Variants in AAK1 observed in about 807,000 individuals in gnomAD.
The protein encoded by AAK1 is AP2 associated kinase 1.
AAK1 carries 37 observed loss-of-function variants against 116.0 expected under a neutral mutation model. The observed-to-expected ratio is 0.32, with a 90% CI of 0.25 to 0.42. AAK1 has a LOEUF of 0.42. Among genes scored for constraint, AAK1 ranks in the 10% least tolerant of loss-of-function variants. AAK1 has a pLI of 1.00. For missense variants in AAK1, 919 were observed against 1,170.6 expected (o/e 0.79, Z 3.14); for synonymous variants, 458 against 439.9 (o/e 1.04, Z -0.51).
At chr2:69,509,166 C>T in intron 14 of AAK1, 65 bp downstream of exon 14, 2 of 1,376,538 alleles carry the variant, frequency 1.5e-6, no homozygotes, top group South Asian at 1.2e-5. Context: ...AAGAATCACA[C>T]ACTAACAGCC....
At chr2:69,511,813 T>C (rs530051783) in intron 13 of AAK1, among the ~76,000 whole-genome samples, 1 of 152,246 alleles carries the variant, frequency 6.6e-6, no homozygotes, top group African/African-American at 2.4e-5. Context: ...TCTCTTCTGT[T>C]CTCCAGATGC....
chr2:69,488,987 G>T (rs1675412391), intron 17 of AAK1, among the ~76,000 whole-genome samples: 1 of 150,958 alleles, frequency 6.6e-6, no homozygotes, highest in South Asian at 2.1e-4. Context: ...ACAGATGCAT[G>T]CCACCATGCC....
chr2:69,514,854 G>GGGCTTTA lies in AAK1; in HGVS notation c.1498-106_1498-105insTAAAGCC. 4 of 1,322,050 alleles carry GGGCTTTA rather than the reference G, an allele frequency of 3.0e-6. No homozygotes were observed. The South Asian group carries it at 6.3e-5, about 21-fold the overall frequency. 81.9% of individuals were successfully genotyped at this position (1,322,050 alleles called of 1,614,324 possible). On this transcript the variant is annotated intron_variant, in intron 12 of 21. Coordinates refer to ENST00000409085, the MANE Select transcript of AAK1 (RefSeq NM_014911.5). ...AGACCAGTGCTAAAGCCAAAGGCAAGGGCAAGTAGAAAAGTCTTGAGGCTA... is the reference window on the plus strand; with the variant it reads ...AGACCAGTGCTAAAGCCAAAGGCAAGGGCTTTAGGCAAGTAGAAAAGTCTTGAGGCTA...
At position 69,622,853 on chromosome 2, in the gene AAK1, T is replaced by G. The variant is rs1420286268; in HGVS notation, c.163+20025A>C. 2.0e-5 allele frequency among the ~76,000 whole-genome samples: 3 copies of G among 152,138 alleles called. No individual in the cohort carries two copies. The East Asian group carries it at 5.8e-4, about 29-fold the overall frequency. ...CTAGTGGGGACGTGGAGAACTTTTG[T>G]GTCTAGCTCAGGGATTATAAACGCA... On this transcript the variant is annotated intron_variant, in intron 2 of 21. Transcript: ENST00000409085.
intron 19 of AAK1, among the ~76,000 whole-genome samples, chr2:69,479,397 T>C (rs1368586224): frequency 2.0e-5 from 3 of 152,132 alleles, no homozygotes; most frequent in Non-Finnish European, 4.4e-5. Context: ...AACATAGAAA[T>C]AGAGGATAAT....
At position 69,462,378 on chromosome 2, in the gene AAK1, A is replaced by T. The variant is rs749353771; in HGVS notation, c.*13491T>A. 176 of 148,500 alleles carry T rather than the reference A, an allele frequency of 1.2e-3. No individual in the cohort carries two copies. The highest frequency in any genetic ancestry group is 1.9e-3 in the Non-Finnish European group (126 of 66,832). The allele number at this position is 148,500 out of a possible 1,614,324, so 9.2% of individuals were successfully genotyped here. A position where few individuals can be genotyped will look rare whatever the true frequency, so the allele number is the denominator to read the frequency against. The stretch of plus-strand genomic sequence containing the variant: ...AAACTTAAAGTATAATAATAATTTA[A>T]AAAAAAAAAAAGAATTTCTGGGCCA... On this transcript the variant is annotated 3_prime_UTR_variant, in exon 22 of 22. Coordinates refer to ENST00000409085, the MANE Select transcript of AAK1 (RefSeq NM_014911.5).
In AAK1 at chr2:69,572,733, G is replaced by C. The variant is rs551911497; in HGVS notation, c.164-15755C>G. On this transcript the variant is annotated intron_variant, in intron 2 of 21. Transcript: ENST00000409085. Reference sequence around the variant, plus strand: ...CGAGTGGCTCACCCCAGTCCTGGCTGTGTGAAAATGCTGTATGCACAAGAG... The same window carrying C: ...CGAGTGGCTCACCCCAGTCCTGGCTCTGTGAAAATGCTGTATGCACAAGAG... Among the ~76,000 whole-genome samples, 34 of 152,124 alleles carry C rather than the reference G, an allele frequency of 2.2e-4. 1 individual carries two copies. The South Asian group carries it at 7.1e-3, about 32-fold the overall frequency.
intron 2 of AAK1, among the ~76,000 whole-genome samples, chr2:69,595,796 T>C (rs1673253563): frequency 6.6e-6 from 1 of 152,246 alleles, no homozygotes; most frequent in South Asian, 2.1e-4. Flanking sequence ...AGATGCCATC[T>C]AAGACTTTCA....
At position 69,507,566 on chromosome 2, in the gene AAK1, G is replaced by C; in HGVS notation, c.2019C>G (p.Thr673=). ...AGGTCCGAGGAGAGCCTGATGGAGT[G>C]GTGGTTGCAGACCTAGGTAGGTTCC... The part of the protein sequence containing the change: ...ASLNKSKSAT[T]TPSGSPRTSQ... Residue 673 remains threonine, a synonymous_variant, in exon 15 of 22, where the codon ACC becomes ACG. Transcript: ENST00000409085. 1 of 1,609,934 alleles carries C rather than the reference G, an allele frequency of 6.2e-7. No individual in the cohort carries two copies. Among genetic ancestry groups the C allele is most frequent in the Non-Finnish European group, 8.5e-7 (1 of 1,177,914 alleles).
At position 69,569,613 on chromosome 2, in the gene AAK1, C is replaced by G. The variant is rs577535633; in HGVS notation, c.164-12635G>C. 2.0e-5 allele frequency among the ~76,000 whole-genome samples: 3 copies of G among 152,280 alleles called. No homozygotes were observed. In the South Asian group the frequency reaches 6.2e-4, roughly 32 times the overall value. ...CAAAATATAAAATCTTTCCATCTCACACAAAGTCCCTCAGGCCCCTTTCCA... is the reference window on the plus strand; with the variant it reads ...CAAAATATAAAATCTTTCCATCTCAGACAAAGTCCCTCAGGCCCCTTTCCA... On this transcript the variant is annotated intron_variant, in intron 2 of 21. Transcript: ENST00000409085.
At chr2:69,553,218 C>G (rs1390651144) in intron 3 of AAK1, among the ~76,000 whole-genome samples, 2 of 151,920 alleles carry the variant, frequency 1.3e-5, no homozygotes, top group Non-Finnish European at 2.9e-5. Flanking sequence ...ACATTAGAAA[C>G]AAAGAGAAAA....
chr2:69,472,598 C>G lies in AAK1; in HGVS notation c.*3271G>C, dbSNP rs1160398833. 6.1e-6 allele frequency: 6 copies of G among 984,016 alleles called. No homozygotes were observed. The allele number at this position is 984,016 out of a possible 1,614,324, so 61.0% of individuals were successfully genotyped here. On this transcript the variant is annotated 3_prime_UTR_variant, in exon 22 of 22. Transcript: ENST00000409085. ...TCATACTTAGAAGTGTCCACTTAAG[C>G]CTTATCTCCTCTGAGGTATGTATTT...
At position 69,466,269 on chromosome 2, in the gene AAK1, C is replaced by T. The variant is rs1344731862; in HGVS notation, c.*9600G>A. 1.6e-6 allele frequency: 2 copies of T among 1,289,764 alleles called. No individual in the cohort carries two copies. Among genetic ancestry groups the T allele is most frequent in the South Asian group, 2.5e-5 (2 of 81,016 alleles). The allele number at this position is 1,289,764 out of a possible 1,614,324, so 79.9% of individuals were successfully genotyped here. ...TCCTCCCAGCTTCCCCGGGGGGGGT[C>T]TGCAGCTCTCATCTTCTTCTTCAGA... On this transcript the variant is annotated 3_prime_UTR_variant, in exon 22 of 22. Coordinates refer to ENST00000409085, the MANE Select transcript of AAK1 (RefSeq NM_014911.5).
intron 5 of AAK1, among the ~76,000 whole-genome samples, chr2:69,533,917 CATCTATGTCTTTTTTAT>C (rs1164201387): frequency 6.6e-6 from 1 of 152,308 alleles, no homozygotes; most frequent in African/African-American, 2.4e-5. Flanking sequence ...ATATTTCCAT[CATCTATGTCTTTTTTAT>C]AAAGCTCACC....
chr2:69,548,803 C>G (rs1213746602), intron 3 of AAK1, among the ~76,000 whole-genome samples: 3 of 152,090 alleles, frequency 2.0e-5, no homozygotes, highest in Admixed American at 6.5e-5. Context: ...CAGGGTTTCA[C>G]CATCTTGGCC....
intron 2 of AAK1, among the ~76,000 whole-genome samples, chr2:69,637,898 C>G (rs576682041): frequency 1.3e-5 from 2 of 152,312 alleles, no homozygotes; most frequent in African/African-American, 4.8e-5. Context: ...AACTGCTGCT[C>G]TCTCTTCATC....
chr2:69,615,083 G>T (rs938020289), intron 2 of AAK1, among the ~76,000 whole-genome samples: 2 of 151,922 alleles, frequency 1.3e-5, no homozygotes, highest in African/African-American at 4.8e-5. Context: ...CCAACCACGA[G>T]GAAAAAAACA....
At chr2:69,581,875 A>G (rs1012444088) in intron 2 of AAK1, among the ~76,000 whole-genome samples, 1 of 152,028 alleles carries the variant, frequency 6.6e-6, no homozygotes, top group African/African-American at 2.4e-5. Flanking sequence ...CTAGCTACTC[A>G]AGAGGCTGTG....
At chr2:69,493,336 T>A (rs1381064489) in intron 17 of AAK1, among the ~76,000 whole-genome samples, 1 of 151,832 alleles carries the variant, frequency 6.6e-6, no homozygotes, top group Non-Finnish European at 1.5e-5. Context: ...CTGCTGAGCC[T>A]AGCTACTATT....
Sources: gnomAD v4.1 joint callset for allele counts (sites outside exome capture counted in the v4.1 genomes callset) on GRCh38, gnomAD v4.1.1 for gene constraint, MANE v1.5 for transcripts, NCBI Gene and HGNC (gene_info 2026-07-23, HGNC 2026-07-21) for gene names.